The following NAA40 variants were observed in gnomAD, a reference collection of about 807,000 sequenced individuals.
NAA40 encodes N-alpha-acetyltransferase 40, NatD catalytic subunit.
NAA40 carries 26 observed loss-of-function variants against 36.6 expected under a neutral mutation model. That is an observed-to-expected ratio of 0.71 (90% CI 0.52 to 0.98). The LOEUF (loss-of-function observed/expected upper bound fraction) is 0.98, where lower values mean the gene tolerates loss of function less well. NAA40 is among the 50% of genes least tolerant of loss of function. The pLI, the probability that NAA40 is intolerant of heterozygous loss-of-function variation, is 0.00. For synonymous variants in NAA40, 129 were observed against 108.4 expected, an observed-to-expected ratio of 1.19 and a Z score of -1.18; for missense variants, 237 against 306.5, an observed-to-expected ratio of 0.77 and a Z score of 1.69.
At chr11:63,943,014 C>T (rs1487446680) in intron 1 of NAA40, among the ~76,000 whole-genome samples, 3 of 152,184 alleles carry the variant, frequency 2.0e-5, no homozygotes, top group Admixed American at 2.0e-4. Flanking sequence ...TACCCTTGCC[C>T]TCCAGCACCT....
Position 63,955,324 on chromosome 11 carries a change from T to C in NAA40, c.*845T>C, listed in dbSNP as rs1261761325. On this transcript the variant is annotated 3_prime_UTR_variant, in exon 8 of 8. Coordinates refer to ENST00000377793, the MANE Select transcript of NAA40 (RefSeq NM_024771.4). ...TCTTGTCTGCCAGCCCTCGTCGTTC[T>C]TTCTCCTCTGCCTCTCACCTCTACC... 6.6e-6 allele frequency: 1 copy of C among 152,664 alleles called. No homozygotes were observed. The highest frequency in any genetic ancestry group is 2.4e-5 in the African/African-American group (1 of 41,450). The allele number at this position is 152,664 out of a possible 1,614,324, so 9.5% of individuals were successfully genotyped here. A position where few individuals can be genotyped will look rare whatever the true frequency, so the allele number is the denominator to read the frequency against.
intron 1 of NAA40, among the ~76,000 whole-genome samples, chr11:63,939,839 C>T (rs1942078373): frequency 6.6e-6 from 1 of 152,002 alleles, no homozygotes; most frequent in Admixed American, 6.6e-5. Flanking sequence ...GAGGCGGGGG[C>T]GGCGGCCCAG....
intron 3 of NAA40, 53 bp from the exon 4 acceptor site, chr11:63,952,185 G>T: frequency 2.2e-6 from 3 of 1,367,818 alleles, no homozygotes; most frequent in Admixed American, 1.9e-5. Context: ...GAACAGCAGT[G>T]CCCTGGCAGG....
intron 3 of NAA40, among the ~76,000 whole-genome samples, chr11:63,947,930 C>A (rs1416525919): frequency 6.6e-6 from 1 of 152,150 alleles, no homozygotes; most frequent in Non-Finnish European, 1.5e-5. Context: ...CCATCTTGGC[C>A]AGGCTGGTCT....
Position 63,954,818 on chromosome 11 carries a change from C to T in NAA40, c.*339C>T, listed in dbSNP as rs1942338441. Reference sequence around the variant, plus strand: ...AGCCCCTAGATTCCTGGCAACCTCCCCTCCCCTGACACATACACACTTGGA... The same window carrying T: ...AGCCCCTAGATTCCTGGCAACCTCCTCTCCCCTGACACATACACACTTGGA... On this transcript the variant is annotated 3_prime_UTR_variant, in exon 8 of 8. Transcript: ENST00000377793. The T allele has an allele frequency of 9.7e-6, 2 of 205,936 alleles. No individual in the cohort carries two copies. Among genetic ancestry groups the T allele is most frequent in the Non-Finnish European group, 1.9e-5 (2 of 103,910 alleles). 12.8% of individuals were successfully genotyped at this position (205,936 alleles called of 1,614,324 possible).
intron 6 of NAA40, 142 bp downstream of exon 6, chr11:63,952,981 G>T: frequency 5.9e-6 from 3 of 512,046 alleles, no homozygotes; most frequent in Middle Eastern, 5.2e-4. Context: ...AACCCTCTCA[G>T]TAAGATGCTC....
chr11:63,939,527 T>G, intron 1 of NAA40: 1 of 989,714 alleles, frequency 1.0e-6, no homozygotes, highest in East Asian at 1.1e-4. Flanking sequence ...AGAAGGCGCC[T>G]AGCCAAGGTC....
At chr11:63,946,594 G>C in intron 2 of NAA40, 2 of 1,256,148 alleles carry the variant, frequency 1.6e-6, no homozygotes, top group Non-Finnish European at 2.0e-6. Flanking sequence ...TCAGGGGCTT[G>C]ATTTTCCATT....
chr11:63,939,943 T>G (rs1036500518), intron 1 of NAA40, among the ~76,000 whole-genome samples: 2 of 152,150 alleles, frequency 1.3e-5, no homozygotes, highest in African/African-American at 2.4e-5. Context: ...CAGAAGTTAT[T>G]TGCAAGTTTC....
intron 1 of NAA40, 122 bp from the exon 2 acceptor site, chr11:63,945,718 G>A: frequency 2.4e-6 from 2 of 832,508 alleles, no homozygotes; most frequent in Non-Finnish European, 2.0e-6. Flanking sequence ...GGCAGCAGAG[G>A]TGGGAAATTT....
chr11:63,945,691 C>T (rs1031234913), intron 1 of NAA40, 149 bp from the exon 2 acceptor site: 22 of 685,686 alleles, frequency 3.2e-5, no homozygotes, highest in Non-Finnish European at 2.6e-5. Context: ...TGGGTCTTTC[C>T]GCCCCTCCAA....
At chr11:63,941,975 G>GT (rs369848532) in intron 1 of NAA40, among the ~76,000 whole-genome samples, 41,856 of 152,132 alleles carry the variant, frequency 0.28, 7,377 homozygotes, top group Non-Finnish European at 0.39. Flanking sequence ...AAACATTTAT[G>GT]TAACACTTTA....
Position 63,955,484 on chromosome 11 carries a change from G to A in NAA40, c.*1005G>A, listed in dbSNP as rs917582506. On this transcript the variant is annotated 3_prime_UTR_variant, in exon 8 of 8. Coordinates refer to ENST00000377793, the MANE Select transcript of NAA40 (RefSeq NM_024771.4). ...TCTTGGTGCTGATAGCTCTCTAAGG[G>A]TAGGGCACACCTCCCCACAGCCACC... 1 of 152,646 alleles carries A rather than the reference G, an allele frequency of 6.6e-6. No homozygotes were observed. Among genetic ancestry groups the A allele is most frequent in the Non-Finnish European group, 1.5e-5 (1 of 68,064 alleles). 9.5% of individuals were successfully genotyped at this position (152,646 alleles called of 1,614,324 possible).
At chr11:63,944,176 G>A (rs1402013051) in intron 1 of NAA40, among the ~76,000 whole-genome samples, 1 of 152,164 alleles carries the variant, frequency 6.6e-6, no homozygotes, top group Non-Finnish European at 1.5e-5. Context: ...GGAAAATAGT[G>A]GGTAGAACTG....
At position 63,946,120 on chromosome 11, in the gene NAA40, C is replaced by T. The variant is rs114753526; in HGVS notation, c.102+185C>T. On this transcript the variant is annotated intron_variant, in intron 2 of 7. Coordinates refer to ENST00000377793, the MANE Select transcript of NAA40 (RefSeq NM_024771.4). ...TGGAAGTTGGCGCCAGCAGTTGGCCCAGGTGTTTGGGAAAACGTGGATTCC... is the reference window on the plus strand; with the variant it reads ...TGGAAGTTGGCGCCAGCAGTTGGCCTAGGTGTTTGGGAAAACGTGGATTCC... The T allele has an allele frequency of 3.3e-3, 1,961 of 595,732 alleles. 35 individuals are homozygous for T. The highest frequency in any genetic ancestry group is 0.029 in the African/African-American group (1,571 of 53,926). 36.9% of individuals were successfully genotyped at this position (595,732 alleles called of 1,614,324 possible).
chr11:63,953,642 CAG>C (rs1942316318), intron 6 of NAA40, among the ~76,000 whole-genome samples: 1 of 151,884 alleles, frequency 6.6e-6, no homozygotes, highest in South Asian at 2.1e-4. Flanking sequence ...TTTTTTGAGA[CAG>C]GGTCTCACCC....
At chr11:63,951,933 G>T (rs1311583410) in intron 3 of NAA40, among the ~76,000 whole-genome samples, 1 of 152,162 alleles carries the variant, frequency 6.6e-6, no homozygotes, top group East Asian at 1.9e-4. Flanking sequence ...GGTAGAAAAA[G>T]AATAAAGAGA....
rs1424546487 is a variant in NAA40, at chr11:63,957,206, A to T, written c.*2727A>T. The T allele has an allele frequency of 3.1e-5, 2 of 64,690 alleles. No homozygotes were observed. Among genetic ancestry groups the T allele is most frequent in the Admixed American group, 1.5e-4 (1 of 6,774 alleles). 4.0% of individuals were successfully genotyped at this position (64,690 alleles called of 1,614,324 possible). A position where few individuals can be genotyped will look rare whatever the true frequency, so the allele number is the denominator to read the frequency against. Reference sequence around the variant, plus strand: ...TAAACTCCTTGATATATATATATATATATATATTTTTTTTTTTCTTTAGCA... The same window carrying T: ...TAAACTCCTTGATATATATATATATTTATATATTTTTTTTTTTCTTTAGCA... On this transcript the variant is annotated 3_prime_UTR_variant, in exon 8 of 8. Coordinates refer to ENST00000377793, the MANE Select transcript of NAA40 (RefSeq NM_024771.4).
chr11:63,953,503 G>A (rs1942314608), intron 6 of NAA40, among the ~76,000 whole-genome samples: 1 of 150,964 alleles, frequency 6.6e-6, no homozygotes, highest in Admixed American at 6.6e-5. Flanking sequence ...GAAGCAGTGA[G>A]TGCTGTGTGG....
Sources: allele counts gnomAD v4.1 joint callset (sites outside exome capture counted in the v4.1 genomes callset), GRCh38; gene constraint gnomAD v4.1.1; transcripts MANE v1.5; gene names NCBI Gene and HGNC (gene_info 2026-07-23, HGNC 2026-07-21).